RGS18: variants seen among roughly 807,000 people sequenced by gnomAD.
RGS18 encodes regulator of G protein signaling 18, also known as regulator of G-protein signaling 18.
In RGS18, 22 loss-of-function variants were observed where a neutral mutation model predicts 27.6. That is an observed-to-expected ratio of 0.80 (90% CI 0.57 to 1.14). The LOEUF is 1.14. Among genes scored for constraint, RGS18 ranks in the 50% most tolerant of loss-of-function variants. The pLI, the probability that RGS18 is intolerant of heterozygous loss-of-function variation, is 0.00. For synonymous variants in RGS18, 89 were observed against 84.6 expected, an observed-to-expected ratio of 1.05 and a Z score of -0.29; for missense variants, 299 against 269.6, an observed-to-expected ratio of 1.11 and a Z score of -0.76.
intron 3 of RGS18, among the ~76,000 whole-genome samples, chr1:192,177,919 A>C (rs1656384546): frequency 1.3e-5 from 2 of 151,702 alleles, no homozygotes; most frequent in Non-Finnish European, 3.0e-5. Flanking sequence ...TTTGTACTGC[A>C]GCAAGATATT....
At chr1:192,175,280 AAC>A (rs1342380708) in intron 3 of RGS18, among the ~76,000 whole-genome samples, 4 of 151,126 alleles carry the variant, frequency 2.6e-5, no homozygotes, top group Non-Finnish European at 5.9e-5. Context: ...TTTATCAACA[AAC>A]AAAATATTGA....
Position 192,158,538 on chromosome 1 carries a change from G to C in RGS18, c.-100G>C. 2.8e-6 allele frequency: 3 copies of C among 1,053,698 alleles called. No individual in the cohort carries two copies. Among genetic ancestry groups the C allele is most frequent in the Non-Finnish European group, 3.8e-6 (3 of 792,054 alleles). The allele number at this position is 1,053,698 out of a possible 1,614,324, so 65.3% of individuals were successfully genotyped here. ...TTGTAAACATTACTGTAAGAGTTGT[G>C]ATAACTTTTTATTCTACTATGTATA... On this transcript the variant is annotated 5_prime_UTR_variant, in exon 1 of 5. Transcript: ENST00000367460.
At chr1:192,172,872 T>TATATATAA (rs941894427) in intron 3 of RGS18, among the ~76,000 whole-genome samples, 5 of 138,162 alleles carry the variant, frequency 3.6e-5, no homozygotes, top group Admixed American at 2.9e-4. Context: ...TGCATATATA[T>TATATATAA]ATATATATAT....
intron 4 of RGS18, 112 bp downstream of exon 4, chr1:192,181,570 TA>T (rs1297779494): frequency 5.6e-6 from 4 of 708,848 alleles, no homozygotes; most frequent in Non-Finnish European, 8.6e-6. Flanking sequence ...ATTTCATTTA[TA>T]ATTGACATGT....
At chr1:192,176,388 G>A (rs190008025) in intron 3 of RGS18, among the ~76,000 whole-genome samples, 10 of 151,666 alleles carry the variant, frequency 6.6e-5, no homozygotes, top group East Asian at 5.9e-4. Flanking sequence ...ATCTTCATGC[G>A]TACCAGTCTT....
chr1:192,164,614 A>G (rs1458652638), intron 3 of RGS18, among the ~76,000 whole-genome samples: 2 of 152,206 alleles, frequency 1.3e-5, no homozygotes, highest in African/African-American at 4.8e-5. Flanking sequence ...AATAACAGGG[A>G]AATTGAATCG....
At chr1:192,166,766 T>G (rs976711364) in intron 3 of RGS18, among the ~76,000 whole-genome samples, 2 of 152,162 alleles carry the variant, frequency 1.3e-5, no homozygotes, top group African/African-American at 4.8e-5. Context: ...GAACAAGACT[T>G]GTAAAAAGAG....
intron 3 of RGS18, among the ~76,000 whole-genome samples, chr1:192,174,353 C>A (rs1240431314): frequency 6.6e-6 from 1 of 151,772 alleles, no homozygotes; most frequent in Non-Finnish European, 1.5e-5. Flanking sequence ...TATTATGAGT[C>A]TAACACAGAG....
intron 3 of RGS18, among the ~76,000 whole-genome samples, chr1:192,160,939 G>C (rs1348084154): frequency 6.6e-6 from 1 of 152,078 alleles, no homozygotes; most frequent in Non-Finnish European, 1.5e-5. Context: ...TGCAAGCTCC[G>C]CCTCCGTTCA....
chr1:192,180,822 TA>T, intron 3 of RGS18, among the ~76,000 whole-genome samples: 1 of 151,726 alleles, frequency 6.6e-6, no homozygotes, highest in Non-Finnish European at 1.5e-5. Context: ...GTGTTTTTGG[TA>T]GATGGACTTG....
At chr1:192,178,885 C>T (rs889730839) in intron 3 of RGS18, among the ~76,000 whole-genome samples, 9 of 151,438 alleles carry the variant, frequency 5.9e-5, no homozygotes, top group Non-Finnish European at 8.9e-5. Flanking sequence ...GTTTCTAATG[C>T]CTCATTTTGT....
intron 3 of RGS18, chr1:192,167,969 T>C (rs536557326): frequency 6.6e-6 from 1 of 152,296 alleles, no homozygotes; most frequent in South Asian, 2.1e-4. Context: ...ATCAGAAAAA[T>C]ACTCCAACAG....
At position 192,184,551 on chromosome 1, in the gene RGS18, A is replaced by G. The variant is rs761038945; in HGVS notation, c.705A>G (p.Leu235=). The G allele has an allele frequency of 8.1e-6, 13 of 1,609,350 alleles. No homozygotes were observed. Among genetic ancestry groups the G allele is most frequent in the Non-Finnish European group, 1.0e-5 (12 of 1,176,948 alleles). The change falls in exon 5 of 5, where the codon TTA becomes TTG. Residue 235 remains leucine, a synonymous_variant. Transcript: ENST00000367460. ...QDVQSDVAIW[L] is the part of the protein sequence containing the mutation. ...TACAATCAGATGTTGCCATTTGGTT[A>G]TAAAGAAAATTGATTTTGCTCATTT...
chr1:192,166,346 T>C (rs541997929), intron 3 of RGS18, among the ~76,000 whole-genome samples: 8 of 152,086 alleles, frequency 5.3e-5, no homozygotes, highest in African/African-American at 1.9e-4. Context: ...ATTCTTGAGA[T>C]AAAGGCAAGG....
intron 3 of RGS18, among the ~76,000 whole-genome samples, chr1:192,180,710 A>G (rs895514199): frequency 1.3e-5 from 2 of 151,682 alleles, no homozygotes; most frequent in African/African-American, 4.8e-5. Flanking sequence ...GTTTGGTTTC[A>G]CACTGTGAGC....
chr1:192,158,845 G>A, intron 1 of RGS18, 89 bp downstream of exon 1: 1 of 923,176 alleles, frequency 1.1e-6, no homozygotes, highest in South Asian at 1.6e-5. Context: ...TGAACTATTG[G>A]GTGGAAAATA....
intron 3 of RGS18, among the ~76,000 whole-genome samples, chr1:192,177,773 AAG>A (rs1337414460): frequency 6.6e-6 from 1 of 151,782 alleles, no homozygotes; most frequent in Non-Finnish European, 1.5e-5. Flanking sequence ...AGCTAAAACT[AAG>A]AGATTCAGGA....
intron 3 of RGS18, among the ~76,000 whole-genome samples, chr1:192,177,810 C>T (rs538422482): frequency 6.6e-6 from 1 of 151,756 alleles, no homozygotes; most frequent in South Asian, 2.1e-4. Flanking sequence ...TGGAACTATA[C>T]GTGTTTCTCT....
At chr1:192,179,431 A>C (rs1176279737) in intron 3 of RGS18, among the ~76,000 whole-genome samples, 1 of 151,598 alleles carries the variant, frequency 6.6e-6, no homozygotes, top group African/African-American at 2.4e-5. Flanking sequence ...CCATACACCC[A>C]AGCAATTTCA....
Sources: allele counts gnomAD v4.1 joint callset (sites outside exome capture counted in the v4.1 genomes callset), GRCh38; gene constraint gnomAD v4.1.1; transcripts MANE v1.5; gene names NCBI Gene and HGNC (gene_info 2026-07-23, HGNC 2026-07-21).